Variants in ADCY2 observed in about 807,000 individuals in gnomAD.
ADCY2 encodes adenylate cyclase type 2.
ADCY2 carries 31 observed loss-of-function variants against 125.2 expected under a neutral mutation model. The ratio of observed to expected loss-of-function variants is 0.25; its 90% CI spans 0.19 to 0.33. The LOEUF is 0.33. Among genes scored for constraint, ADCY2 ranks in the 10% least tolerant of loss-of-function variants. The pLI is 1.00. For synonymous variants in ADCY2, 512 were observed against 548.4 expected (o/e 0.93, Z 0.93); for missense variants, 904 against 1,418.2 (o/e 0.64, Z 5.82).
chr5:7,470,475 GTATTAGACTATAA>G (rs986014493), intron 2 of ADCY2, among the ~76,000 whole-genome samples: 6 of 149,390 alleles, frequency 4.0e-5, no homozygotes, highest in Non-Finnish European at 8.9e-5. Context: ...TCTAATATAT[GTATTAGACTATAA>G]TATTAGACTA....
At chr5:7,666,934 T>C (rs1739777353) in intron 4 of ADCY2, among the ~76,000 whole-genome samples, 1 of 152,212 alleles carries the variant, frequency 6.6e-6, no homozygotes, top group Admixed American at 6.5e-5. Flanking sequence ...CTCAGCTTCA[T>C]GCCCCAGTTC....
chr5:7,827,100 C>T lies in ADCY2; in HGVS notation c.*229C>T, dbSNP rs1016726802. 9 of 470,774 alleles carry T rather than the reference C, an allele frequency of 1.9e-5. No individual in the cohort carries two copies. Among genetic ancestry groups the T allele is most frequent in the South Asian group, 4.2e-5 (1 of 23,950 alleles). 29.2% of individuals were successfully genotyped at this position (470,774 alleles called of 1,614,324 possible). ...CTAAGCAAAAGGGAAAAGGAGCGCG[C>T]GTGATAGAAGAAAAGCACTGGGAGA... On this transcript the variant is annotated 3_prime_UTR_variant, in exon 25 of 25. Transcript: ENST00000338316.
chr5:7,741,843 C>T (rs946723727), intron 14 of ADCY2, among the ~76,000 whole-genome samples: 2 of 151,464 alleles, frequency 1.3e-5, no homozygotes, highest in African/African-American at 2.4e-5. Flanking sequence ...TCCTCATCAT[C>T]GTCATCACCA....
chr5:7,827,094 A>G lies in ADCY2; in HGVS notation c.*223A>G, dbSNP rs1374664839. On this transcript the variant is annotated 3_prime_UTR_variant, in exon 25 of 25. Coordinates refer to ENST00000338316, the MANE Select transcript of ADCY2 (RefSeq NM_020546.3). The stretch of plus-strand genomic sequence containing the variant: ...TTGCTCCTAAGCAAAAGGGAAAAGG[A>G]GCGCGCGTGATAGAAGAAAAGCACT... 6 of 506,190 alleles carry G rather than the reference A, an allele frequency of 1.2e-5. No individual in the cohort carries two copies. The highest frequency in any genetic ancestry group is 2.0e-5 in the Non-Finnish European group (6 of 293,052). 31.4% of individuals were successfully genotyped at this position (506,190 alleles called of 1,614,324 possible). A position where few individuals can be genotyped will look rare whatever the true frequency, so the allele number is the denominator to read the frequency against.
At position 7,469,273 on chromosome 5, in the gene ADCY2, A is replaced by G. The variant is rs1028269126; in HGVS notation, c.409-51465A>G. Among the ~76,000 whole-genome samples the G allele has an allele frequency of 8.0e-5, 12 of 150,384 alleles. No homozygotes were observed. In the East Asian group the frequency reaches 1.3e-3, roughly 17 times the overall value. Reference sequence around the variant, plus strand: ...TGCAGTAGTTTCTGCTTTATACAATATGTGTGACTATATGAGTACATTCAT... The same window carrying G: ...TGCAGTAGTTTCTGCTTTATACAATGTGTGTGACTATATGAGTACATTCAT... On this transcript the variant is annotated intron_variant, in intron 2 of 24. Transcript: ENST00000338316.
chr5:7,547,308 A>G (rs1245937233), intron 3 of ADCY2, among the ~76,000 whole-genome samples: 1 of 152,196 alleles, frequency 6.6e-6, no homozygotes, highest in South Asian at 2.1e-4. Flanking sequence ...CAAGACAGAC[A>G]TACTTGGATA....
chr5:7,760,245 A>G (rs1006070216), intron 16 of ADCY2, among the ~76,000 whole-genome samples: 3 of 152,220 alleles, frequency 2.0e-5, no homozygotes, highest in Admixed American at 6.5e-5. Context: ...ACCTGCATTT[A>G]TGCATTAGTC....
chr5:7,618,988 A>T (rs1286830292), intron 3 of ADCY2, among the ~76,000 whole-genome samples: 1 of 152,238 alleles, frequency 6.6e-6, no homozygotes, highest in Non-Finnish European at 1.5e-5. Flanking sequence ...AGACACAGAG[A>T]CCAGCATTTT....
intron 21 of ADCY2, among the ~76,000 whole-genome samples, chr5:7,803,899 C>T (rs1442163891): frequency 6.7e-6 from 1 of 148,446 alleles, no homozygotes; most frequent in Admixed American, 6.7e-5. Flanking sequence ...GACTCTGTCT[C>T]GAATATATAT....
In ADCY2 at chr5:7,723,336, G is replaced by A. The variant is rs187619848; in HGVS notation, c.1704-1209G>A. The stretch of plus-strand genomic sequence containing the variant: ...TTTTTCTCACTTTTAATGGCAGTCA[G>A]TCTAGAATACATTACTGACTTCTCT... On this transcript the variant is annotated intron_variant, in intron 12 of 24. Coordinates refer to ENST00000338316, the MANE Select transcript of ADCY2 (RefSeq NM_020546.3). Among the ~76,000 whole-genome samples, 393 of 152,234 alleles carry A rather than the reference G, an allele frequency of 2.6e-3. 3 individuals carry two copies. The highest frequency in any genetic ancestry group is 8.9e-3 in the African/African-American group (369 of 41,544).
intron 2 of ADCY2, among the ~76,000 whole-genome samples, chr5:7,466,983 C>G (rs1742144066): frequency 6.6e-6 from 1 of 152,102 alleles, no homozygotes; most frequent in Admixed American, 6.5e-5. Context: ...CTGGGCAGTG[C>G]CAGCATCCTC....
At chr5:7,611,355 C>A (rs1205709626) in intron 3 of ADCY2, among the ~76,000 whole-genome samples, 2 of 152,016 alleles carry the variant, frequency 1.3e-5, no homozygotes, top group Non-Finnish European at 2.9e-5. Flanking sequence ...ACCAAAAAAA[C>A]TTCATTAGTT....
chr5:7,464,420 C>T (rs976129693), intron 2 of ADCY2, among the ~76,000 whole-genome samples: 6 of 152,148 alleles, frequency 3.9e-5, no homozygotes, highest in African/African-American at 1.4e-4. Flanking sequence ...AACCATAGGT[C>T]AGAGTGCCAT....
intron 3 of ADCY2, among the ~76,000 whole-genome samples, chr5:7,574,328 A>G (rs1736175516): frequency 6.6e-6 from 1 of 151,854 alleles, no homozygotes; most frequent in Admixed American, 6.6e-5. Context: ...TCCTTGAGGA[A>G]TCGCCACACT....
At chr5:7,542,762 TGTAA>T (rs1295679492) in intron 3 of ADCY2, among the ~76,000 whole-genome samples, 6 of 152,224 alleles carry the variant, frequency 3.9e-5, no homozygotes, top group African/African-American at 1.2e-4. Context: ...TCAAACTGAT[TGTAA>T]GTGTCAATCA....
chr5:7,741,871 A>G (rs1742443499), intron 14 of ADCY2, among the ~76,000 whole-genome samples: 1 of 151,738 alleles, frequency 6.6e-6, no homozygotes, highest in African/African-American at 2.4e-5. Flanking sequence ...CCCTATCAAT[A>G]TCACCATCAC....
At chr5:7,590,559 T>G (rs1325918410) in intron 3 of ADCY2, among the ~76,000 whole-genome samples, 1 of 152,064 alleles carries the variant, frequency 6.6e-6, no homozygotes, top group Non-Finnish European at 1.5e-5. Context: ...GTGGTTCACT[T>G]GTGACCATGT....
At chr5:7,593,740 A>G (rs1561115188) in intron 3 of ADCY2, among the ~76,000 whole-genome samples, 1 of 152,208 alleles carries the variant, frequency 6.6e-6, no homozygotes, top group Non-Finnish European at 1.5e-5. Context: ...ATACATACAA[A>G]TGATAAAAAC....
At chr5:7,526,426 C>T (rs1466522189) in intron 3 of ADCY2, among the ~76,000 whole-genome samples, 2 of 150,986 alleles carry the variant, frequency 1.3e-5, no homozygotes, top group East Asian at 3.9e-4. Context: ...TTATAGTTTA[C>T]AACAATTCAT....
Sources: allele counts gnomAD v4.1 joint callset (sites outside exome capture counted in the v4.1 genomes callset), GRCh38; gene constraint gnomAD v4.1.1; transcripts MANE v1.5; gene names NCBI Gene and HGNC (gene_info 2026-07-23, HGNC 2026-07-21).